IL17B: variants seen among roughly 807,000 people sequenced by gnomAD.
IL17B encodes the protein interleukin 17B.
In IL17B, 14 loss-of-function variants were observed where a neutral mutation model predicts 14.7. The observed-to-expected ratio is 0.95, with a 90% CI of 0.63 to 1.49. The LOEUF is 1.49. IL17B is among the 40% of genes most tolerant of loss of function. The pLI is 0.00. For missense variants in IL17B, 233 were observed against 252.8 expected, an observed-to-expected ratio of 0.92 and a Z score of 0.53; for synonymous variants, 105 against 94.8, an observed-to-expected ratio of 1.11 and a Z score of -0.62.
chr5:149,380,819 G>A (rs1039852923), upstream of IL17B, among the ~76,000 whole-genome samples: 3 of 152,338 alleles, frequency 2.0e-5, no homozygotes, highest in South Asian at 2.1e-4. Context: ...TAATCTGTCC[G>A]GGGCAGGCTT....
chr5:149,377,045 G>A lies in IL17B; in HGVS notation c.22-20C>T. 6.6e-7 allele frequency: 1 copy of A among 1,525,696 alleles called. No individual in the cohort carries two copies. Among genetic ancestry groups the A allele is most frequent in the Non-Finnish European group, 8.8e-7 (1 of 1,141,008 alleles). The allele number at this position is 1,525,696 out of a possible 1,614,324, so 94.5% of individuals were successfully genotyped here. The stretch of plus-strand genomic sequence containing the variant: ...AAACAGCTGGGGAGGAAAGCCACAG[G>A]TCAAAGGTGGGAGAGCCAAGTCTCT... On this transcript the variant is annotated intron_variant, in intron 1 of 2. Coordinates refer to ENST00000261796, the MANE Select transcript of IL17B (RefSeq NM_014443.3).
intron 1 of IL17B, among the ~76,000 whole-genome samples, chr5:149,401,416 A>G (rs1759203800): frequency 6.6e-6 from 1 of 152,356 alleles, no homozygotes; most frequent in South Asian, 2.1e-4. Flanking sequence ...TTTAAAAGTG[A>G]TAATTGGACT....
Position 149,376,961 on chromosome 5 carries a change from C to G in IL17B, c.86G>C (p.Arg29Thr). The G allele has an allele frequency of 6.2e-7, 1 of 1,605,596 alleles. No individual in the cohort carries two copies. The highest frequency in any genetic ancestry group is 8.5e-7 in the Non-Finnish European group (1 of 1,176,800). ...LGQPRSPKSK[R>T]KGQGRPGPLA... is the part of the protein sequence containing the mutation. ...GGGCCCAGGCCGCCCTTGCCCCTTC[C>G]TCTTGCTTTTGGGGCTCCTGGGCTG... The change falls in exon 2 of 3, where the codon AGG (arginine) becomes ACG (threonine). Residue 29 changes from arginine to threonine, a missense_variant. Physicochemically the swap from Arg to Thr is moderately conservative, Grantham distance 71. Transcript: ENST00000261796.
chr5:149,402,725 C>A (rs1041887506), intron 1 of IL17B, among the ~76,000 whole-genome samples: 1 of 150,712 alleles, frequency 6.6e-6, no homozygotes, highest in Non-Finnish European at 1.5e-5. Context: ...AAACTCGTGC[C>A]GGGCACGGTG....
At chr5:149,397,314 G>A (rs1759112129) in intron 1 of IL17B, among the ~76,000 whole-genome samples, 1 of 152,070 alleles carries the variant, frequency 6.6e-6, no homozygotes, top group African/African-American at 2.4e-5. Context: ...GATTATAGAT[G>A]CCCGCCATCA....
intron 1 of IL17B, among the ~76,000 whole-genome samples, chr5:149,396,460 C>T (rs1414455335): frequency 6.6e-6 from 1 of 152,114 alleles, no homozygotes; most frequent in African/African-American, 2.4e-5. Context: ...ACAGTCAAAC[C>T]TCTTATTGAG....
At chr5:149,395,857 C>A (rs1229735238) in intron 1 of IL17B, among the ~76,000 whole-genome samples, 2 of 151,990 alleles carry the variant, frequency 1.3e-5, no homozygotes. Flanking sequence ...ATTTTTACTA[C>A]AGATGGGGTT....
chr5:149,397,294 C>T (rs1484479132), intron 1 of IL17B, among the ~76,000 whole-genome samples: 2 of 152,096 alleles, frequency 1.3e-5, no homozygotes, highest in African/African-American at 4.8e-5. Flanking sequence ...CTCAGCCTCC[C>T]GAGTAGCAGG....
chr5:149,402,610 C>T (rs1759228324), intron 1 of IL17B, among the ~76,000 whole-genome samples: 1 of 151,810 alleles, frequency 6.6e-6, no homozygotes, highest in Admixed American at 6.6e-5. Context: ...CACACTTACC[C>T]TCTCCTGACA....
chr5:149,403,965 T>A (rs1759264223), intron 1 of IL17B: 1 of 152,212 alleles, frequency 6.6e-6, no homozygotes, highest in Non-Finnish European at 1.5e-5. Flanking sequence ...CCATGAGTCC[T>A]CTATTCTCCT....
chr5:149,399,397 G>A (rs145948316), intron 1 of IL17B, among the ~76,000 whole-genome samples: 184 of 152,242 alleles, frequency 1.2e-3, no homozygotes, highest in African/African-American at 4.2e-3. Flanking sequence ...TTTGGACTGC[G>A]CATGCACACA....
intron 1 of IL17B, among the ~76,000 whole-genome samples, chr5:149,393,246 T>C (rs1682208797): frequency 1.3e-5 from 2 of 152,318 alleles, no homozygotes; most frequent in Non-Finnish European, 2.9e-5. Flanking sequence ...TTCAATGCCC[T>C]TCTCTGCCGT....
chr5:149,375,525 T>C (rs1024058716), intron 2 of IL17B, among the ~76,000 whole-genome samples: 1 of 152,224 alleles, frequency 6.6e-6, no homozygotes, highest in Non-Finnish European at 1.5e-5. Context: ...GGAGGATCTT[T>C]ACCGACCCTT....
chr5:149,392,677 G>T lies in IL17B; in HGVS notation n.95+11431C>A, dbSNP rs145498967. On this transcript the variant is annotated intron_variant and non_coding_transcript_variant, in intron 1 of 2. Transcript: ENST00000505432. ...AGTTACTCTTCACAGAACACCCTTTGTACCTCTGTGATGGTGACAATGTAT... is the reference window on the plus strand; with the variant it reads ...AGTTACTCTTCACAGAACACCCTTTTTACCTCTGTGATGGTGACAATGTAT... 4.2e-3 allele frequency among the ~76,000 whole-genome samples: 644 copies of T among 152,318 alleles called. 4 individuals are homozygous for T. The highest frequency in any genetic ancestry group is 6.8e-3 in the Non-Finnish European group (463 of 68,034).
At chr5:149,392,154 G>A (rs199726503) in intron 1 of IL17B, among the ~76,000 whole-genome samples, 7 of 152,200 alleles carry the variant, frequency 4.6e-5, no homozygotes, top group East Asian at 1.9e-4. Context: ...TCCAACAATC[G>A]CTCTTCTACG....
At chr5:149,380,556 A>G (rs1758666742), upstream of IL17B, among the ~76,000 whole-genome samples, 1 of 152,108 alleles carries the variant, frequency 6.6e-6, no homozygotes, top group African/African-American at 2.4e-5. Flanking sequence ...AGGTCCTGGA[A>G]TCACATGCTC....
rs1416775074 is a variant in IL17B, at chr5:149,376,834, G to A, written c.213C>T (p.Ala71=). 1 of 1,614,136 alleles carries A rather than the reference G, an allele frequency of 6.2e-7. No homozygotes were observed. Among genetic ancestry groups the A allele is most frequent in the Non-Finnish European group, 8.5e-7 (1 of 1,180,016 alleles). The change falls in exon 2 of 3, where the codon GCC becomes GCT. Residue 71 remains alanine, a synonymous_variant. Transcript: ENST00000261796. ...EYERNIEEMV[A]QLRNSSELAQ... ...CCAGCTCTGAGCTGTTCCTCAGCTG[G>A]GCCACCATCTCCTCGATGTTCCTCT...
intron 1 of IL17B, among the ~76,000 whole-genome samples, chr5:149,399,487 C>CTT (rs33989202): frequency 4.0e-5 from 6 of 151,346 alleles, no homozygotes; most frequent in African/African-American, 1.5e-4. Flanking sequence ...AGACAATTAT[C>CTT]TTTTTTTTTA....
Position 149,376,771 on chromosome 5 carries a change from C to T in IL17B, c.276G>A (p.Met92Ile). The change falls in exon 2 of 3, where the codon ATG (methionine) becomes ATA (isoleucine). Residue 92 changes from methionine (M) to isoleucine (I), a missense_variant. By Grantham distance (10) the Met-to-Ile change is conservative. Transcript: ENST00000261796. The part of the protein sequence containing the change: ...RKCEVNLQLW[M>I]SNKRSLSPWG... ...AGGGAGACAGGCTCCTCTTGTTGGA[C>T]ATCCACAGCTGCAAGTTGACCTCAC... is the stretch of plus-strand genomic sequence containing the variant. 6.2e-7 allele frequency: 1 copy of T among 1,612,774 alleles called. No individual in the cohort carries two copies. The highest frequency in any genetic ancestry group is 8.5e-7 in the Non-Finnish European group (1 of 1,179,314).
Sources: allele counts gnomAD v4.1 joint callset (sites outside exome capture counted in the v4.1 genomes callset), GRCh38; gene constraint gnomAD v4.1.1; transcripts MANE v1.5; gene names NCBI Gene and HGNC (gene_info 2026-07-23, HGNC 2026-07-21).